DOCK2: variants seen among roughly 807,000 people sequenced by gnomAD.
The protein encoded by DOCK2 is dedicator of cytokinesis 2.
Under a neutral mutation model 248.9 loss-of-function variants are expected in DOCK2, and 87 were observed. The observed-to-expected ratio is 0.35, with a 90% CI of 0.29 to 0.42. DOCK2 has a LOEUF of 0.42. DOCK2 is among the 10% of genes least tolerant of loss of function. The pLI, the probability that DOCK2 is intolerant of heterozygous loss-of-function variation, is 1.00. For synonymous variants in DOCK2, 805 were observed against 821.6 expected, an observed-to-expected ratio of 0.98 and a Z score of 0.35; for missense variants, 1,747 against 2,300.2, an observed-to-expected ratio of 0.76 and a Z score of 4.92.
intron 25 of DOCK2, among the ~76,000 whole-genome samples, chr5:169,776,161 AT>A (rs1163232826): frequency 4.2e-5 from 6 of 144,248 alleles, no homozygotes; most frequent in African/African-American, 1.3e-4. Context: ...ATATAAATAT[AT>A]ATATTTATAT....
At chr5:169,797,320 G>C (rs1581202960) in intron 25 of DOCK2, among the ~76,000 whole-genome samples, 1 of 152,194 alleles carries the variant, frequency 6.6e-6, no homozygotes, top group African/African-American at 2.4e-5. Flanking sequence ...ACCTCAAGGT[G>C]GTTTTCCAAA....
chr5:169,943,006 T>G (rs1688458499), intron 27 of DOCK2, among the ~76,000 whole-genome samples: 1 of 152,166 alleles, frequency 6.6e-6, no homozygotes, highest in African/African-American at 2.4e-5. Context: ...GTTGTTGATA[T>G]CAATAGCTAA....
chr5:169,898,257 T>A (rs1773722536), intron 27 of DOCK2, among the ~76,000 whole-genome samples: 1 of 152,184 alleles, frequency 6.6e-6, no homozygotes, highest in Non-Finnish European at 1.5e-5. Flanking sequence ...TGCCATGGTC[T>A]CCTTTCTCAT....
At chr5:170,052,081 AC>A (rs1756936933) in intron 41 of DOCK2, among the ~76,000 whole-genome samples, 1 of 152,220 alleles carries the variant, frequency 6.6e-6, no homozygotes, top group African/African-American at 2.4e-5. Context: ...CCAGCATTGC[AC>A]CGTTTAGCAC....
chr5:169,998,098 T>A (rs1048039043), intron 30 of DOCK2: 33 of 454,638 alleles, frequency 7.3e-5, no homozygotes, highest in Non-Finnish European at 1.2e-4. Flanking sequence ...TCCCTGAGGA[T>A]CACCCCCACT....
At chr5:169,802,800 A>G (rs1009023990) in intron 25 of DOCK2, among the ~76,000 whole-genome samples, 1 of 152,202 alleles carries the variant, frequency 6.6e-6, no homozygotes, top group Non-Finnish European at 1.5e-5. Flanking sequence ...ATGTATGTGT[A>G]TATATAAAAT....
At chr5:169,948,548 A>G (rs1003459076) in intron 27 of DOCK2, among the ~76,000 whole-genome samples, 19 of 151,862 alleles carry the variant, frequency 1.3e-4, no homozygotes, top group Non-Finnish European at 1.3e-4. Context: ...ATAGATTTTC[A>G]TAGATCTCTC....
chr5:169,697,929 C>G (rs1760727188), intron 10 of DOCK2, among the ~76,000 whole-genome samples: 1 of 152,158 alleles, frequency 6.6e-6, no homozygotes, highest in Non-Finnish European at 1.5e-5. Context: ...AGTTATGTAT[C>G]TGTACATATG....
At chr5:170,070,934 C>T (rs907939752) in intron 46 of DOCK2, among the ~76,000 whole-genome samples, 2 of 152,224 alleles carry the variant, frequency 1.3e-5, no homozygotes, top group Non-Finnish European at 2.9e-5. Flanking sequence ...AGCATGTACT[C>T]TATTAGATGT....
chr5:169,680,333 T>G (rs1759590847), intron 6 of DOCK2, among the ~76,000 whole-genome samples: 1 of 152,208 alleles, frequency 6.6e-6, no homozygotes. Context: ...GTAAGTGCTG[T>G]GTGAGTTTGC....
intron 13 of DOCK2, among the ~76,000 whole-genome samples, chr5:169,700,873 G>A (rs1760926027): frequency 6.6e-6 from 1 of 151,662 alleles, no homozygotes; most frequent in Non-Finnish European, 1.5e-5. Context: ...AGGGCGGCGG[G>A]CGGGGGCAGG....
chr5:169,811,316 G>A (rs1767738634), intron 26 of DOCK2, among the ~76,000 whole-genome samples: 2 of 152,336 alleles, frequency 1.3e-5, no homozygotes, highest in South Asian at 4.1e-4. Context: ...AAGGGAGGCT[G>A]CCACTGCCTC....
intron 25 of DOCK2, among the ~76,000 whole-genome samples, chr5:169,797,076 G>A (rs1470814118): frequency 6.6e-6 from 1 of 152,322 alleles, no homozygotes; most frequent in Non-Finnish European, 1.5e-5. Context: ...TGGCTTGAGG[G>A]TAGAATGGAC....
At chr5:169,791,831 G>T (rs192097902) in intron 25 of DOCK2, among the ~76,000 whole-genome samples, 73 of 152,296 alleles carry the variant, frequency 4.8e-4, no homozygotes, top group African/African-American at 1.7e-3. Context: ...CTAGGATCTA[G>T]CAGGAGTTCA....
rs1764696545 is a variant in DOCK2 at position 169,765,079 on chromosome 5, C to CAT, written c.2554+3455_2554+3456insTA. On this transcript the variant is annotated intron_variant, in intron 25 of 51. Transcript: ENST00000520908. ...TCAGGGCTCTTTTAGCGCACACACACACACACACACACACACACACACACC... is the reference window on the plus strand; with the variant it reads ...TCAGGGCTCTTTTAGCGCACACACACATACACACACACACACACACACACACC... Among the ~76,000 whole-genome samples, 3 of 151,400 alleles carry CAT rather than the reference C, an allele frequency of 2.0e-5. No homozygotes were observed. The South Asian group carries it at 6.3e-4, about 32-fold the overall frequency.
Position 169,970,433 on chromosome 5 carries a change from C to T in DOCK2, c.2800-12635C>T, listed in dbSNP as rs1455003174. Among the ~76,000 whole-genome samples, 5 of 152,194 alleles carry T rather than the reference C, an allele frequency of 3.3e-5. No individual in the cohort carries two copies. The East Asian group carries it at 9.6e-4, about 29-fold the overall frequency. On this transcript the variant is annotated intron_variant, in intron 27 of 51. Transcript: ENST00000520908. ...AAATAAGGCTGGGAAAGAACAATCA[C>T]TTTGTTTGTAGGAAACTTGGAAGGT...
intron 41 of DOCK2, among the ~76,000 whole-genome samples, chr5:170,054,056 G>C (rs1401746944): frequency 2.6e-5 from 4 of 152,200 alleles, no homozygotes; most frequent in Admixed American, 2.6e-4. Flanking sequence ...CATGGACTGT[G>C]GTATTTGACA....
At chr5:170,019,597 G>A (rs1305262547) in intron 33 of DOCK2, among the ~76,000 whole-genome samples, 2 of 152,152 alleles carry the variant, frequency 1.3e-5, no homozygotes, top group African/African-American at 4.8e-5. Flanking sequence ...GTGGATCTGT[G>A]AGGGAATAGG....
intron 49 of DOCK2, chr5:170,079,906 G>A (rs1017744932): frequency 1.2e-5 from 5 of 428,500 alleles, no homozygotes; most frequent in Admixed American, 3.8e-5. Context: ...TGTGTTTGTC[G>A]ATTCTAGGGG....
Sources: gnomAD v4.1 joint callset for allele counts (sites outside exome capture counted in the v4.1 genomes callset) on GRCh38, gnomAD v4.1.1 for gene constraint, MANE v1.5 for transcripts, NCBI Gene and HGNC (gene_info 2026-07-23, HGNC 2026-07-21) for gene names.